Variants in GBE1 observed in about 807,000 individuals in gnomAD.
GBE1 encodes the protein 1,4-alpha-glucan-branching enzyme.
In GBE1, 70 loss-of-function variants were observed where a neutral mutation model predicts 88.8. The ratio of observed to expected loss-of-function variants is 0.79; its 90% CI spans 0.65 to 0.96. GBE1 has a LOEUF of 0.96. Among genes scored for constraint, GBE1 ranks in the 40% least tolerant of loss-of-function variants. The pLI, the probability that GBE1 is intolerant of heterozygous loss-of-function variation, is 0.00. For synonymous variants in GBE1, 284 were observed against 300.1 expected (o/e 0.95, Z 0.56); for missense variants, 872 against 871.0 (o/e 1.00, Z -0.01).
chr3:81,527,779 C>G (rs1368856186), intron 14 of GBE1, among the ~76,000 whole-genome samples: 1 of 151,990 alleles, frequency 6.6e-6, no homozygotes, highest in African/African-American at 2.4e-5. Flanking sequence ...GGAATGTAAA[C>G]TAGTTCAACC....
rs781728533 is a variant in GBE1, at chr3:81,581,180, T to A, written c.1431A>T (p.Ala477=). The A allele has an allele frequency of 6.2e-7, 1 of 1,603,360 alleles. No individual in the cohort carries two copies. The highest frequency in any genetic ancestry group is 8.5e-7 in the Non-Finnish European group (1 of 1,173,138). Residue 477 remains alanine, a synonymous_variant, in exon 11 of 16, where the codon GCA becomes GCT. Transcript: ENST00000429644. ...RRYLEKCIAY[A]ESHDQALVGD... is the part of the protein sequence containing the mutation. ...ATTCATTTACCTGATCATGGCTCTC[T>A]GCATAAGCAATGCACTTTTCAAGGT...
intron 1 of GBE1, among the ~76,000 whole-genome samples, chr3:81,714,447 T>A (rs1705911917): frequency 6.6e-6 from 1 of 152,184 alleles, no homozygotes; most frequent in Non-Finnish European, 1.5e-5. Context: ...ATATCTTTCA[T>A]GTGAAATAAT....
chr3:81,724,962 C>T (rs1357145061), intron 1 of GBE1, among the ~76,000 whole-genome samples: 1 of 152,110 alleles, frequency 6.6e-6, no homozygotes, highest in Non-Finnish European at 1.5e-5. Context: ...TTCTGAGATG[C>T]TTGCCAAAAT....
intron 2 of GBE1, among the ~76,000 whole-genome samples, chr3:81,676,940 T>C (rs918549605): frequency 1.3e-5 from 2 of 152,188 alleles, no homozygotes; most frequent in African/African-American, 4.8e-5. Context: ...AAACATTAAC[T>C]AAGGTCACTG....
At position 81,721,332 on chromosome 3, in the gene GBE1, A is replaced by T. The variant is rs138216918; in HGVS notation, c.144-15719T>A. On this transcript the variant is annotated intron_variant, in intron 1 of 15. Coordinates refer to ENST00000429644, the MANE Select transcript of GBE1 (RefSeq NM_000158.4). Reference sequence around the variant, plus strand: ...GCTAATAATGTCATACTGATACTTAATTTAGTAGCCTATTCAACATCAGTA... The same window carrying T: ...GCTAATAATGTCATACTGATACTTATTTTAGTAGCCTATTCAACATCAGTA... Among the ~76,000 whole-genome samples the T allele has an allele frequency of 3.6e-3, 548 of 151,226 alleles. 3 individuals are homozygous for T. Among genetic ancestry groups the T allele is most frequent in the Non-Finnish European group, 5.9e-3 (399 of 67,796 alleles).
intron 4 of GBE1, 69 bp from the exon 5 acceptor site, chr3:81,649,060 AT>A: frequency 9.2e-7 from 1 of 1,086,054 alleles, no homozygotes; most frequent in Non-Finnish European, 1.3e-6. Context: ...GATCAAGTAT[AT>A]TTTTAAAAAG....
intron 3 of GBE1, among the ~76,000 whole-genome samples, chr3:81,653,626 T>C (rs1704884103): frequency 6.6e-6 from 1 of 152,222 alleles, no homozygotes. Context: ...GCTACTTCTA[T>C]TAGCAAACAC....
chr3:81,499,318 G>T, intron 14 of GBE1, 91 bp from the exon 15 acceptor site: 1 of 768,320 alleles, frequency 1.3e-6, no homozygotes, highest in South Asian at 1.5e-5. Context: ...GTGAGTTTTT[G>T]AGCAGTGTTA....
rs573863089 is a variant in GBE1, at chr3:81,601,123, C to A, written c.993-7100G>T. Among the ~76,000 whole-genome samples the A allele has an allele frequency of 2.0e-5, 3 of 151,694 alleles. No individual in the cohort carries two copies. The East Asian group carries it at 5.8e-4, about 29-fold the overall frequency. ...TTTCAATGGGCTGACTGGAGTGGAG[C>A]AGAATAGAAAGGGGAAATGTGATAT... On this transcript the variant is annotated intron_variant, in intron 7 of 15. Transcript: ENST00000429644.
At chr3:81,738,738 C>G (rs1370014096) in intron 1 of GBE1, among the ~76,000 whole-genome samples, 1 of 152,102 alleles carries the variant, frequency 6.6e-6, no homozygotes, top group Non-Finnish European at 1.5e-5. Context: ...GCCAGCCAGT[C>G]TTTACATGGA....
chr3:81,490,977 A>G (rs1291407847), intron 15 of GBE1, among the ~76,000 whole-genome samples: 1 of 152,044 alleles, frequency 6.6e-6, no homozygotes, highest in African/African-American at 2.4e-5. Flanking sequence ...TAGGATTCAG[A>G]TTCTCTCCAT....
intron 12 of GBE1, among the ~76,000 whole-genome samples, chr3:81,562,282 G>C (rs1459976124): frequency 6.6e-6 from 1 of 152,096 alleles, no homozygotes; most frequent in Non-Finnish European, 1.5e-5. Flanking sequence ...TGATTTGTTT[G>C]ATAGACCACA....
chr3:81,526,763 A>G (rs1307861840), intron 14 of GBE1, among the ~76,000 whole-genome samples: 11 of 152,174 alleles, frequency 7.2e-5, no homozygotes, highest in Non-Finnish European at 1.5e-5. Flanking sequence ...ATGGGTAGGA[A>G]GAATCAATAT....
At chr3:81,629,162 A>C (rs1198512529) in intron 7 of GBE1, among the ~76,000 whole-genome samples, 3 of 138,788 alleles carry the variant, frequency 2.2e-5, no homozygotes, top group Non-Finnish European at 4.7e-5. Flanking sequence ...GTATCTCCCA[A>C]TGCTATCCCT....
At chr3:81,556,924 C>A (rs145632929) in intron 12 of GBE1, among the ~76,000 whole-genome samples, 1 of 151,926 alleles carries the variant, frequency 6.6e-6, no homozygotes, top group Non-Finnish European at 1.5e-5. Flanking sequence ...TGTGTAACCT[C>A]CTGCTGTGTA....
chr3:81,505,122 C>A (rs1559626762), intron 14 of GBE1, among the ~76,000 whole-genome samples: 1 of 152,112 alleles, frequency 6.6e-6, no homozygotes, highest in Non-Finnish European at 1.5e-5. Context: ...AAGATACATT[C>A]CAACTGAAGA....
At chr3:81,587,579 T>C (rs1196787412) in intron 9 of GBE1, among the ~76,000 whole-genome samples, 1 of 152,150 alleles carries the variant, frequency 6.6e-6, no homozygotes, top group African/African-American at 2.4e-5. Context: ...CATTAAGCAT[T>C]TACTATATGA....
rs115889782 is a variant in GBE1, at chr3:81,549,713, T to C, written c.1619-12618A>G. Among the ~76,000 whole-genome samples, 36 of 151,708 alleles carry C rather than the reference T, an allele frequency of 2.4e-4. 1 individual carries two copies. The highest frequency in any genetic ancestry group is 5.5e-4 in the African/African-American group (23 of 41,516). On this transcript the variant is annotated intron_variant, in intron 12 of 15. Transcript: ENST00000429644. ...TAAAAGTCTTATCTGAGATTCCTTA[T>C]GCAACAGAATTCCATCAAAGCCAAC... is the stretch of plus-strand genomic sequence containing the variant.
At chr3:81,690,298 C>T (rs1178589800) in intron 2 of GBE1, among the ~76,000 whole-genome samples, 31 of 152,198 alleles carry the variant, frequency 2.0e-4, no homozygotes, top group Admixed American at 2.0e-3. Context: ...GTGCATACTT[C>T]GTCTCTAAAT....
Sources: gnomAD v4.1 joint callset for allele counts (sites outside exome capture counted in the v4.1 genomes callset) on GRCh38, gnomAD v4.1.1 for gene constraint, MANE v1.5 for transcripts, NCBI Gene and HGNC (gene_info 2026-07-23, HGNC 2026-07-21) for gene names.